NEDD1: variants seen among roughly 807,000 people sequenced by gnomAD.
NEDD1 encodes the protein NEDD1 gamma-tubulin ring complex targeting factor.
In NEDD1, 33 loss-of-function variants were observed where a neutral mutation model predicts 74.0. That is an observed-to-expected ratio of 0.45 (90% CI 0.34 to 0.60). The LOEUF (loss-of-function observed/expected upper bound fraction) is 0.60. Among genes scored for constraint, NEDD1 ranks in the 20% least tolerant of loss-of-function variants. The pLI is 0.01. For missense variants in NEDD1, 746 were observed against 776.5 expected (o/e 0.96, Z 0.47); for synonymous variants, 250 against 264.4 (o/e 0.95, Z 0.53).
intron 7 of NEDD1, 119 bp from the exon 8 acceptor site, chr12:96,936,492 G>T: frequency 3.1e-6 from 2 of 647,334 alleles, no homozygotes; most frequent in Non-Finnish European, 5.5e-6. Context: ...TGGGATATGT[G>T]TGCTCTTTGA....
In NEDD1 at chr12:96,920,474, A is replaced by G. The variant is rs114549992; in HGVS notation, c.489+349A>G. 1.5e-3 allele frequency among the ~76,000 whole-genome samples: 235 copies of G among 152,292 alleles called. 1 individual carries two copies. The highest frequency in any genetic ancestry group is 5.5e-3 in the African/African-American group (227 of 41,568). On this transcript the variant is annotated intron_variant, in intron 6 of 15. Coordinates refer to ENST00000266742, the MANE Select transcript of NEDD1 (RefSeq NM_152905.4). ...ACATAGCTCAGATTTTGTCAGCTGCAAGACAGATACACTCATAAATACTGT... is the reference window on the plus strand; with the variant it reads ...ACATAGCTCAGATTTTGTCAGCTGCGAGACAGATACACTCATAAATACTGT...
At chr12:96,947,411 C>T (rs1351054873) in intron 14 of NEDD1, among the ~76,000 whole-genome samples, 2 of 152,112 alleles carry the variant, frequency 1.3e-5, no homozygotes, top group East Asian at 3.8e-4. Flanking sequence ...TGAGCAGAGA[C>T]ATGATCATAC....
At chr12:96,907,954 C>T in intron 2 of NEDD1, 98 bp downstream of exon 2, 2 of 1,082,014 alleles carry the variant, frequency 1.8e-6, no homozygotes, top group South Asian at 4.6e-5. Flanking sequence ...TGGAGCAGGT[C>T]GTTTGAACCC....
chr12:96,915,192 A>C (rs1452867976), intron 4 of NEDD1, among the ~76,000 whole-genome samples: 2 of 152,190 alleles, frequency 1.3e-5, no homozygotes, highest in Non-Finnish European at 2.9e-5. Flanking sequence ...CTCTTGGTCA[A>C]AATTTTAGAG....
Position 96,936,646 on chromosome 12 carries a change from C to T in NEDD1, c.755C>T (p.Thr252Ile). ...ACTTTAGTGGCTGACACTCCTCTAA[C>T]TGCGGTAGATTTCATGCCTGATGGA... The part of the protein sequence containing the change: ...VKTLVADTPL[T>I]AVDFMPDGAT... Residue 252 changes from threonine (T) to isoleucine (I), a missense_variant, in exon 8 of 16, where the codon ACT (threonine) becomes ATT (isoleucine). By Grantham distance (89) the Thr-to-Ile change is moderately conservative (BLOSUM62 -1). Transcript: ENST00000266742. The T allele has an allele frequency of 6.2e-7, 1 of 1,613,824 alleles. No homozygotes were observed. The highest frequency in any genetic ancestry group is 8.5e-7 in the Non-Finnish European group (1 of 1,179,788).
In NEDD1 at chr12:96,945,704, G is replaced by A. The variant is rs745447349; in HGVS notation, c.1666G>A (p.Ala556Thr). The A allele has an allele frequency of 6.3e-7, 1 of 1,591,810 alleles. No individual in the cohort carries two copies. Among genetic ancestry groups the A allele is most frequent in the South Asian group, 1.1e-5 (1 of 90,482 alleles). Reference protein sequence around the residue: ...NGSSTPNPKIASSVTAGVASS... With the variant: ...NGSSTPNPKITSSVTAGVASS... The stretch of plus-strand genomic sequence containing the variant: ...ATTCTTTATTTTAGATCCAAAGATA[G>A]CATCTTCTGTCACTGCTGGAGTTGC... The change falls in exon 14 of 16, where the codon GCA (alanine) becomes ACA (threonine). Residue 556 changes from alanine (A) to threonine (T), a missense_variant. Coordinates refer to ENST00000266742, the MANE Select transcript of NEDD1 (RefSeq NM_152905.4).
chr12:96,932,231 A>G (rs1351497522), intron 6 of NEDD1, among the ~76,000 whole-genome samples: 1 of 150,734 alleles, frequency 6.6e-6, no homozygotes, highest in Non-Finnish European at 1.5e-5. Flanking sequence ...TTCTTTTCTT[A>G]TAAATAATTT....
rs1445688355 is a variant in NEDD1, at chr12:96,907,840, G to T, written c.-25G>T. The T allele has an allele frequency of 3.1e-5, 42 of 1,363,988 alleles. No individual in the cohort carries two copies. Among genetic ancestry groups the T allele is most frequent in the Non-Finnish European group, 3.7e-5 (39 of 1,055,840 alleles). 84.5% of individuals were successfully genotyped at this position (1,363,988 alleles called of 1,614,324 possible). On this transcript the variant is annotated 5_prime_UTR_variant, in exon 2 of 16. Coordinates refer to ENST00000266742, the MANE Select transcript of NEDD1 (RefSeq NM_152905.4). ...TGTAAAGTCTCTCCCTTAATGCTCA[G>T]TTCTTAGAAGACCGAGGTAGGTGGG...
At chr12:96,937,455 G>A (rs968114214) in intron 9 of NEDD1, 62 bp downstream of exon 9, 4 of 920,690 alleles carry the variant, frequency 4.3e-6, no homozygotes, top group Middle Eastern at 2.3e-4. Context: ...TTTTGTTTTT[G>A]GCTTGCATAT....
rs116242113 is a variant in NEDD1 at position 96,942,735 on chromosome 12, G to A, written c.1294+111G>A. The A allele has an allele frequency of 9.4e-4, 624 of 660,674 alleles. 3 individuals carry two copies. In the African/African-American group the frequency reaches 0.01, roughly 11 times the overall value. 40.9% of individuals were successfully genotyped at this position (660,674 alleles called of 1,614,324 possible). The stretch of plus-strand genomic sequence containing the variant: ...AGGCTTAAAAAAATAAACATTTATC[G>A]TCTCATAATTTCTGTGTATTAAGAA... On this transcript the variant is annotated intron_variant, in intron 11 of 15. Coordinates refer to ENST00000266742, the MANE Select transcript of NEDD1 (RefSeq NM_152905.4).
At chr12:96,951,328 A>G (rs144568275) in intron 14 of NEDD1, 104 bp from the exon 15 acceptor site, 79 of 588,664 alleles carry the variant, frequency 1.3e-4, no homozygotes, top group African/African-American at 1.1e-3. Context: ...AGTAATTATT[A>G]ACATTCAGTA....
intron 14 of NEDD1, among the ~76,000 whole-genome samples, chr12:96,947,392 G>T (rs1408220588): frequency 1.3e-5 from 2 of 152,080 alleles, no homozygotes; most frequent in Admixed American, 6.6e-5. Flanking sequence ...GATGTGTGTG[G>T]GAACAGCTTG....
chr12:96,951,884 A>T, intron 15 of NEDD1, 65 bp from the exon 16 acceptor site: 1 of 866,432 alleles, frequency 1.2e-6, no homozygotes, highest in Non-Finnish European at 1.9e-6. Context: ...AAAGTATATT[A>T]AACATAGCCT....
chr12:96,923,616 C>T lies in NEDD1; in HGVS notation c.489+3491C>T, dbSNP rs559920628. 5.9e-5 allele frequency among the ~76,000 whole-genome samples: 9 copies of T among 152,188 alleles called. No homozygotes were observed. In the South Asian group the frequency reaches 1.9e-3, roughly 32 times the overall value. ...TGATGTTAAGTATATTTTTATATGC[C>T]TCTTGTGAAGTGACTGTTCAAGTCT... On this transcript the variant is annotated intron_variant, in intron 6 of 15. Coordinates refer to ENST00000266742, the MANE Select transcript of NEDD1 (RefSeq NM_152905.4).
chr12:96,918,427 T>A (rs1436178327), intron 5 of NEDD1, among the ~76,000 whole-genome samples: 1 of 151,862 alleles, frequency 6.6e-6, no homozygotes, highest in Non-Finnish European at 1.5e-5. Flanking sequence ...AACATATTTA[T>A]ATCTACACAC....
At chr12:96,918,814 A>G (rs1874747948) in intron 5 of NEDD1, among the ~76,000 whole-genome samples, 1 of 152,206 alleles carries the variant, frequency 6.6e-6, no homozygotes, top group Admixed American at 6.5e-5. Flanking sequence ...ATTGGACCCC[A>G]TGTTCTTAAT....
intron 6 of NEDD1, among the ~76,000 whole-genome samples, chr12:96,920,908 G>A (rs1405460223): frequency 6.6e-6 from 1 of 151,766 alleles, no homozygotes; most frequent in Non-Finnish European, 1.5e-5. Flanking sequence ...GATATGAAAA[G>A]CATACAGGAA....
chr12:96,932,461 A>ATATATATATAT (rs60535832), intron 6 of NEDD1, among the ~76,000 whole-genome samples: 4 of 12,250 alleles, frequency 3.3e-4, no homozygotes, highest in Non-Finnish European at 6.4e-4. Context: ...AAAAAAAAAA[A>ATATATATATAT]AAATATATAT....
At chr12:96,944,554 A>C in intron 12 of NEDD1, 85 bp from the exon 13 acceptor site, 1 of 724,584 alleles carries the variant, frequency 1.4e-6, no homozygotes, top group Non-Finnish European at 2.2e-6. Context: ...ATACTGGGAC[A>C]AAAGAGAGAA....
Sources: allele counts gnomAD v4.1 joint callset (sites outside exome capture counted in the v4.1 genomes callset), GRCh38; gene constraint gnomAD v4.1.1; transcripts MANE v1.5; gene names NCBI Gene and HGNC (gene_info 2026-07-23, HGNC 2026-07-21).